IFT80: variants seen among roughly 807,000 people sequenced by gnomAD.
IFT80 encodes the protein intraflagellar transport 80, also known as intraflagellar transport protein 80 homolog.
IFT80 carries 79 observed loss-of-function variants against 107.9 expected under a neutral mutation model. The ratio of observed to expected loss-of-function variants is 0.73; its 90% CI spans 0.61 to 0.88. IFT80 has a LOEUF of 0.88. Ranked by LOEUF, IFT80 falls within the 40% of genes least tolerant of loss-of-function variation. IFT80 has a pLI of 0.00. For synonymous variants in IFT80, 299 were observed against 300.9 expected (o/e 0.99, Z 0.07); for missense variants, 797 against 914.2 (o/e 0.87, Z 1.65).
At position 160,395,256 on chromosome 3, in the gene IFT80, A is replaced by T. The variant is rs574986860; in HGVS notation, c.-47+3890T>A. Among the ~76,000 whole-genome samples, 18 of 152,276 alleles carry T rather than the reference A, an allele frequency of 1.2e-4. No individual in the cohort carries two copies. The South Asian group carries it at 3.5e-3, about 30-fold the overall frequency. On this transcript the variant is annotated intron_variant, in intron 1 of 19. Coordinates refer to ENST00000326448, the MANE Select transcript of IFT80 (RefSeq NM_020800.3). ...TTCATGAAGATACTATACTTTGTTT[A>T]CTTTCTTATGTAAAATGAGGCTAAT...
intron 8 of IFT80, among the ~76,000 whole-genome samples, chr3:160,351,967 T>C (rs996521471): frequency 2.0e-5 from 3 of 152,040 alleles, no homozygotes; most frequent in Non-Finnish European, 4.4e-5. Flanking sequence ...ATGATTCATA[T>C]ACTATCAACA....
intron 10 of IFT80, 102 bp from the exon 11 acceptor site, chr3:160,304,091 T>C (rs1464841516): frequency 1.0e-5 from 8 of 785,006 alleles, no homozygotes; most frequent in African/African-American, 3.5e-5. Flanking sequence ...TTCAGTTTCA[T>C]AGCAATTATA....
At position 160,314,495 on chromosome 3, in the gene IFT80, T is replaced by C. The variant is rs1576796036; in HGVS notation, c.957+5265A>G. Among the ~76,000 whole-genome samples the C allele has an allele frequency of 2.6e-5, 4 of 152,254 alleles. No homozygotes were observed. The South Asian group carries it at 8.3e-4, about 32-fold the overall frequency. On this transcript the variant is annotated intron_variant, in intron 9 of 19. Coordinates refer to ENST00000326448, the MANE Select transcript of IFT80 (RefSeq NM_020800.3). Reference sequence around the variant, plus strand: ...CAAAAGCTGAGGTTCAGAGAGACGGTAGGGCAAATAAGTCTACTGTAGGAA... The same window carrying C: ...CAAAAGCTGAGGTTCAGAGAGACGGCAGGGCAAATAAGTCTACTGTAGGAA...
At chr3:160,321,279 A>C (rs1438483129) in intron 8 of IFT80, among the ~76,000 whole-genome samples, 1 of 152,004 alleles carries the variant, frequency 6.6e-6, no homozygotes, top group Admixed American at 6.6e-5. Flanking sequence ...TTTGTGTTTG[A>C]CAAACAAGAA....
intron 8 of IFT80, among the ~76,000 whole-genome samples, chr3:160,326,272 C>A (rs1718669397): frequency 6.6e-6 from 1 of 152,038 alleles, no homozygotes; most frequent in South Asian, 2.1e-4. Flanking sequence ...GAGAGACATA[C>A]TGGAACTATT....
intron 9 of IFT80, among the ~76,000 whole-genome samples, chr3:160,316,911 GAAAGAGATGA>G (rs1367321659): frequency 6.6e-6 from 1 of 152,184 alleles, no homozygotes; most frequent in African/African-American, 2.4e-5. Context: ...TTGAGGAAGA[GAAAGAGATGA>G]AGTCCTCTTG....
intron 16 of IFT80, 98 bp downstream of exon 16, chr3:160,279,095 A>T (rs1013909111): frequency 1.1e-6 from 1 of 938,684 alleles, no homozygotes; most frequent in Non-Finnish European, 1.7e-6. Flanking sequence ...CTTATTCACA[A>T]TTTTTCCAGC....
chr3:160,266,611 T>C (rs889682047), intron 19 of IFT80, among the ~76,000 whole-genome samples: 2 of 152,134 alleles, frequency 1.3e-5, no homozygotes, highest in Admixed American at 1.3e-4. Flanking sequence ...CTCAAACTCC[T>C]GGACTCAAGT....
chr3:160,258,767 G>C, intron 19 of IFT80, 132 bp from the exon 20 acceptor site: 4 of 1,211,486 alleles, frequency 3.3e-6, no homozygotes, highest in Non-Finnish European at 4.6e-6. Context: ...AGCATCAAAA[G>C]ATTAGAGAAA....
chr3:160,316,556 T>C (rs1311848051), intron 9 of IFT80, among the ~76,000 whole-genome samples: 6 of 152,294 alleles, frequency 3.9e-5, no homozygotes, highest in South Asian at 2.1e-4. Context: ...AGCTCAAGGA[T>C]AGACTATAGC....
At position 160,258,575 on chromosome 3, in the gene IFT80, C is replaced by G. The variant is rs776551056; in HGVS notation, c.2284G>C (p.Glu762Gln). Residue 762 changes from glutamate (E) to glutamine (Q), a missense_variant, in exon 20 of 20, where the codon GAG becomes CAG. Glu to Gln is a conservative substitution (Grantham distance 29, BLOSUM62 2). Coordinates refer to ENST00000326448, the MANE Select transcript of IFT80 (RefSeq NM_020800.3). Reference protein sequence around the residue: ...KIEMEITKEREQSSSSQSSKS... With the variant: ...KIEMEITKERQQSSSSQSSKS... ...CTGGATTGGCTGCTTGATGATTGCT[C>G]TCTTTCTTTTGTAATTTCCATCTCA... is the stretch of plus-strand genomic sequence containing the variant. 1.2e-6 allele frequency: 2 copies of G among 1,613,548 alleles called. No individual in the cohort carries two copies. The highest frequency in any genetic ancestry group is 1.7e-6 in the Non-Finnish European group (2 of 1,179,958).
chr3:160,303,844 G>T (rs1716622559), intron 11 of IFT80, 71 bp downstream of exon 11: 4 of 949,564 alleles, frequency 4.2e-6, no homozygotes, highest in Non-Finnish European at 6.9e-6. Context: ...TTAATTGGAT[G>T]TTTTTATTAA....
intron 5 of IFT80, among the ~76,000 whole-genome samples, chr3:160,372,181 G>C (rs1466365773): frequency 6.6e-6 from 1 of 152,140 alleles, no homozygotes. Context: ...AACACACATA[G>C]ACAAAGTCAC....
intron 5 of IFT80, among the ~76,000 whole-genome samples, chr3:160,367,156 C>T (rs1038032460): frequency 1.2e-4 from 18 of 152,052 alleles, no homozygotes; most frequent in African/African-American, 4.3e-4. Flanking sequence ...ATAAGTACCA[C>T]ATTTTCTTTA....
At chr3:160,334,758 GTTTT>G (rs928394179) in intron 8 of IFT80, among the ~76,000 whole-genome samples, 1 of 151,444 alleles carries the variant, frequency 6.6e-6, no homozygotes, top group African/African-American at 2.4e-5. Context: ...TTCAAGTTGG[GTTTT>G]TTGTTTTGTT....
chr3:160,364,951 T>C (rs755426611), intron 6 of IFT80, among the ~76,000 whole-genome samples: 1 of 151,410 alleles, frequency 6.6e-6, no homozygotes, highest in African/African-American at 2.4e-5. Flanking sequence ...TGTATACCTA[T>C]GTAACAAACC....
At chr3:160,317,665 A>G (rs1274875556) in intron 9 of IFT80, among the ~76,000 whole-genome samples, 1 of 152,122 alleles carries the variant, frequency 6.6e-6, no homozygotes, top group Non-Finnish European at 1.5e-5. Flanking sequence ...TTAAACCATC[A>G]TCTAGATCCT....
intron 16 of IFT80, 123 bp from the exon 17 acceptor site, chr3:160,277,793 G>A (rs746096383): frequency 3.1e-5 from 21 of 687,502 alleles, no homozygotes; most frequent in Non-Finnish European, 4.8e-5. Flanking sequence ...TACTGAGCAG[G>A]GCATTAAAAA....
chr3:160,398,948 G>C (rs2108433824), intron 1 of IFT80, among the ~76,000 whole-genome samples, 198 bp downstream of exon 1: 1 of 152,236 alleles, frequency 6.6e-6, no homozygotes, highest in East Asian at 1.9e-4. Context: ...AGGTCTTCCA[G>C]TTGTCTCTCT....
Sources: gnomAD v4.1 joint callset for allele counts (sites outside exome capture counted in the v4.1 genomes callset) on GRCh38, gnomAD v4.1.1 for gene constraint, MANE v1.5 for transcripts, NCBI Gene and HGNC (gene_info 2026-07-23, HGNC 2026-07-21) for gene names.